Variants in MAP3K5 observed in about 807,000 individuals in gnomAD.
The protein encoded by MAP3K5 is ASK-1.
MAP3K5 carries 56 observed loss-of-function variants against 158.7 expected under a neutral mutation model. The ratio of observed to expected loss-of-function variants is 0.35; its 90% CI spans 0.28 to 0.44. The LOEUF is 0.44. Among genes scored for constraint, MAP3K5 ranks in the 20% least tolerant of loss-of-function variants. MAP3K5 has a pLI of 1.00. For synonymous variants in MAP3K5, 579 were observed against 601.7 expected (o/e 0.96, Z 0.55); for missense variants, 1,294 against 1,674.8 (o/e 0.77, Z 3.97).
rs578119661 is a variant in MAP3K5 at position 136,736,398 on chromosome 6, T to C, written c.449-15809A>G. On this transcript the variant is annotated intron_variant, in intron 1 of 29. Transcript: ENST00000359015. ...TCTTCTAATAGTATCTGTAATTCTG[T>C]TGACATGACAGATGTATAAATGATT... is the stretch of plus-strand genomic sequence containing the variant. Among the ~76,000 whole-genome samples the C allele has an allele frequency of 2.4e-4, 36 of 152,366 alleles. 1 individual carries two copies. Among genetic ancestry groups the C allele is most frequent in the Admixed American group, 2.2e-3 (34 of 15,308 alleles).
chr6:136,724,337 C>T (rs567599221), intron 1 of MAP3K5, among the ~76,000 whole-genome samples: 4 of 151,582 alleles, frequency 2.6e-5, no homozygotes, highest in Admixed American at 6.6e-5. Flanking sequence ...CAACCTCCAC[C>T]ACCCGGGTTC....
At chr6:136,641,007 G>T (rs1318892745) in intron 12 of MAP3K5, among the ~76,000 whole-genome samples, 1 of 152,132 alleles carries the variant, frequency 6.6e-6, no homozygotes, top group Non-Finnish European at 1.5e-5. Flanking sequence ...CCTAATTAAA[G>T]AAAATTTATT....
chr6:136,681,669 C>A (rs940681083), intron 7 of MAP3K5, among the ~76,000 whole-genome samples: 2 of 152,124 alleles, frequency 1.3e-5, no homozygotes, highest in East Asian at 1.9e-4. Context: ...GTAATCCCAG[C>A]ACTTTGGGAG....
At chr6:136,778,575 G>A (rs571149874) in intron 1 of MAP3K5, among the ~76,000 whole-genome samples, 3 of 152,244 alleles carry the variant, frequency 2.0e-5, no homozygotes, top group Admixed American at 6.5e-5. Flanking sequence ...TAGATATCTT[G>A]CAGATTTTAA....
At position 136,720,604 on chromosome 6, in the gene MAP3K5, C is replaced by A; in HGVS notation, c.449-15G>T. The A allele has an allele frequency of 6.3e-7, 1 of 1,596,202 alleles. No homozygotes were observed. The highest frequency in any genetic ancestry group is 8.5e-7 in the Non-Finnish European group (1 of 1,171,064). On this transcript the variant is annotated splice_polypyrimidine_tract_variant and intron_variant, in intron 1 of 29. Transcript: ENST00000359015. ...CACCGCAATATCTGCAAACAGAAAA[C>A]AAAGTCCCCCAAAGAATGACACCCA... is the stretch of plus-strand genomic sequence containing the variant.
At chr6:136,607,836 A>G (rs1287684921) in intron 18 of MAP3K5, among the ~76,000 whole-genome samples, 1 of 152,222 alleles carries the variant, frequency 6.6e-6, no homozygotes, top group Non-Finnish European at 1.5e-5. Context: ...ACCTGGGCTT[A>G]TGTTTTTGCA....
rs953510588 is a variant in MAP3K5 at position 136,613,985 on chromosome 6, A to G, written c.2278+174T>C. Among the ~76,000 whole-genome samples the G allele has an allele frequency of 4.6e-5, 7 of 152,214 alleles. No individual in the cohort carries two copies. The highest frequency in any genetic ancestry group is 1.7e-4 in the African/African-American group (7 of 41,440). On this transcript the variant is annotated intron_variant, in intron 16 of 29. Coordinates refer to ENST00000359015, the MANE Select transcript of MAP3K5 (RefSeq NM_005923.4). This position sits in a 1 kb window ranked among gnomAD's most constrained non-coding sequence, Gnocchi z 4.0. ...AACTCTATACATTAGGATATTTTCT[A>G]AATCTCATCATTTATGGTTGACATC... is the stretch of plus-strand genomic sequence containing the variant.
intron 2 of MAP3K5, among the ~76,000 whole-genome samples, chr6:136,707,467 G>A: frequency 6.6e-6 from 1 of 151,670 alleles, no homozygotes; most frequent in East Asian, 2.0e-4. Flanking sequence ...TAAAGCAAAG[G>A]CCCATCTGAG....
intron 15 of MAP3K5, among the ~76,000 whole-genome samples, chr6:136,621,280 T>A (rs1212083315): frequency 6.6e-6 from 1 of 152,180 alleles, no homozygotes; most frequent in African/African-American, 2.4e-5. Flanking sequence ...TTTTTAAAAA[T>A]TATTCCTAGG....
At chr6:136,710,881 A>C (rs1439911832) in intron 2 of MAP3K5, among the ~76,000 whole-genome samples, 1 of 152,136 alleles carries the variant, frequency 6.6e-6, no homozygotes. Flanking sequence ...AAAGTTGGGG[A>C]AAAGAAGAAT....
chr6:136,573,161 T>A (rs530123303), intron 25 of MAP3K5, among the ~76,000 whole-genome samples: 1 of 152,284 alleles, frequency 6.6e-6, no homozygotes, highest in South Asian at 2.1e-4. Context: ...AAGATGGCCC[T>A]CTCCAATGTG....
chr6:136,786,512 A>G (rs948463997), intron 1 of MAP3K5, among the ~76,000 whole-genome samples: 3 of 152,196 alleles, frequency 2.0e-5, no homozygotes, highest in African/African-American at 7.2e-5. Flanking sequence ...AGGGCAAAGA[A>G]GGGGTATTGT....
At chr6:136,775,083 A>G (rs1380347150) in intron 1 of MAP3K5, among the ~76,000 whole-genome samples, 2 of 152,236 alleles carry the variant, frequency 1.3e-5, no homozygotes, top group Non-Finnish European at 2.9e-5. Flanking sequence ...GGTCATTTCA[A>G]GAGGGAATAG....
At chr6:136,665,507 G>A (rs1286292042) in intron 8 of MAP3K5, among the ~76,000 whole-genome samples, 10 of 151,818 alleles carry the variant, frequency 6.6e-5, no homozygotes, top group African/African-American at 1.7e-4. Context: ...CCACCACACC[G>A]GGCTAATTTT....
At chr6:136,641,533 T>A (rs887219208) in intron 12 of MAP3K5, among the ~76,000 whole-genome samples, 1 of 151,962 alleles carries the variant, frequency 6.6e-6, no homozygotes, top group Non-Finnish European at 1.5e-5. Flanking sequence ...TATTTCTAAA[T>A]CCCAAGAAAT....
At chr6:136,744,400 A>G (rs1483687347) in intron 1 of MAP3K5, among the ~76,000 whole-genome samples, 1 of 150,442 alleles carries the variant, frequency 6.6e-6, no homozygotes, top group Non-Finnish European at 1.5e-5. Context: ...TGTATATATG[A>G]GAACCCTTGA....
At chr6:136,678,851 G>A (rs1399412955) in intron 7 of MAP3K5, among the ~76,000 whole-genome samples, 1 of 151,886 alleles carries the variant, frequency 6.6e-6, no homozygotes, top group Non-Finnish European at 1.5e-5. Context: ...TCAGCCTCCC[G>A]AGTAGCTGGG....
chr6:136,623,514 C>T lies in MAP3K5; in HGVS notation c.2017-533G>A, dbSNP rs557429884. Among the ~76,000 whole-genome samples the T allele has an allele frequency of 2.6e-5, 4 of 152,214 alleles. No individual in the cohort carries two copies. In the East Asian group the frequency reaches 5.8e-4, roughly 22 times the overall value. ...ACCACTCCCCACCGTTTCCCCAAGA[C>T]CCAAAAACATTTTTTTAAGTGAAAA... On this transcript the variant is annotated intron_variant, in intron 14 of 29. Transcript: ENST00000359015.
At chr6:136,558,773 T>C (rs766263898) in intron 29 of MAP3K5, 27 bp downstream of exon 29, 9 of 1,424,894 alleles carry the variant, frequency 6.3e-6, no homozygotes, top group African/African-American at 5.6e-5. Context: ...GCTCTTTCCA[T>C]AGTGACAACA....
Sources: allele counts gnomAD v4.1 joint callset (sites outside exome capture counted in the v4.1 genomes callset), GRCh38; gene constraint gnomAD v4.1.1; non-coding constraint Gnocchi (gnomAD v3.1); transcripts MANE v1.5; gene names NCBI Gene and HGNC (gene_info 2026-07-23, HGNC 2026-07-21).